Variants in ADAMTS20 observed in about 807,000 individuals in gnomAD.
ADAMTS20 encodes ADAM metallopeptidase with thrombospondin type 1 motif 20, also known as A disintegrin and metalloproteinase with thrombospondin motifs 20.
Under a neutral mutation model 260.1 loss-of-function variants are expected in ADAMTS20, and 225 were observed. The observed-to-expected ratio is 0.87, with a 90% CI of 0.78 to 0.97. The LOEUF is 0.97. Among genes scored for constraint, ADAMTS20 ranks in the 50% least tolerant of loss-of-function variants. The pLI, the probability that ADAMTS20 is intolerant of heterozygous loss-of-function variation, is 0.00. For synonymous variants in ADAMTS20, 802 were observed against 769.5 expected, an observed-to-expected ratio of 1.04 and a Z score of -0.70; for missense variants, 2,400 against 2,337.7, an observed-to-expected ratio of 1.03 and a Z score of -0.55.
intron 24 of ADAMTS20, 145 bp downstream of exon 24, chr12:43,429,470 TTC>T: frequency 1.8e-6 from 1 of 555,960 alleles, no homozygotes; most frequent in South Asian, 3.1e-5. Flanking sequence ...TAGCCATTAA[TTC>T]CTAATTCTAA....
At position 43,532,084 on chromosome 12, in the gene ADAMTS20, C is replaced by A; in HGVS notation, c.565G>T (p.Asp189Tyr). 6.2e-7 allele frequency: 1 copy of A among 1,609,072 alleles called. No individual in the cohort carries two copies. The highest frequency in any genetic ancestry group is 8.5e-7 in the Non-Finnish European group (1 of 1,177,450). Reference sequence around the variant, plus strand: ...GTCTGCAGAAAAGAGTTATTTAAGTCTTGTCTGTATATAAGATGTGGCTTG... The same window carrying A: ...GTCTGCAGAAAAGAGTTATTTAAGTATTGTCTGTATATAAGATGTGGCTTG... ...HNKPHLIYRQDLNNSFLQTLK... is the reference protein window; with the variant it reads ...HNKPHLIYRQYLNNSFLQTLK... Residue 189 changes from aspartate to tyrosine, a missense_variant, in exon 3 of 39, where the codon GAC becomes TAC. Asp to Tyr is a radical substitution (Grantham distance 160). Coordinates refer to ENST00000389420, the MANE Select transcript of ADAMTS20 (RefSeq NM_025003.5).
At chr12:43,413,237 C>T (rs867828398) in intron 28 of ADAMTS20, among the ~76,000 whole-genome samples, 2 of 152,110 alleles carry the variant, frequency 1.3e-5, no homozygotes, top group African/African-American at 4.8e-5. Context: ...AATTATCACA[C>T]TATATTTAAT....
At chr12:43,426,118 C>A (rs972602423) in intron 27 of ADAMTS20, among the ~76,000 whole-genome samples, 1 of 151,946 alleles carries the variant, frequency 6.6e-6, no homozygotes, top group Non-Finnish European at 1.5e-5. Flanking sequence ...TAATAAGGTA[C>A]GTCTAATTTT....
At chr12:43,426,619 G>A (rs1941338122) in intron 27 of ADAMTS20, among the ~76,000 whole-genome samples, 2 of 152,178 alleles carry the variant, frequency 1.3e-5, no homozygotes, top group Non-Finnish European at 2.9e-5. Context: ...GAGTGCCAGT[G>A]CATGAAGCAA....
At chr12:43,361,212 A>G (rs1444593032) in intron 37 of ADAMTS20, among the ~76,000 whole-genome samples, 1 of 152,220 alleles carries the variant, frequency 6.6e-6, no homozygotes, top group Non-Finnish European at 1.5e-5. Context: ...GGTTTGATGA[A>G]TCCCAAACAA....
intron 23 of ADAMTS20, among the ~76,000 whole-genome samples, chr12:43,430,016 T>G (rs1941409746): frequency 6.6e-6 from 1 of 152,078 alleles, no homozygotes; most frequent in Admixed American, 6.6e-5. Context: ...GACACAAAAC[T>G]CTACCTTAAA....
chr12:43,445,124 G>A (rs151323482), intron 15 of ADAMTS20, among the ~76,000 whole-genome samples: 1 of 152,220 alleles, frequency 6.6e-6, no homozygotes, highest in East Asian at 1.9e-4. Context: ...GTGACAAGAT[G>A]AAGGCTACCA....
intron 7 of ADAMTS20, among the ~76,000 whole-genome samples, chr12:43,487,421 G>A (rs1942539463): frequency 6.9e-6 from 1 of 145,082 alleles, no homozygotes; most frequent in African/African-American, 2.5e-5. Context: ...CTCGGAAGAG[G>A]GAAGAGTGGG....
At chr12:43,437,588 A>G (rs574091342) in intron 18 of ADAMTS20, among the ~76,000 whole-genome samples, 5 of 152,322 alleles carry the variant, frequency 3.3e-5, no homozygotes, top group African/African-American at 9.6e-5. Flanking sequence ...AATTCTAAAG[A>G]AAAACATTCT....
At chr12:43,528,541 A>G (rs915414821) in intron 3 of ADAMTS20, among the ~76,000 whole-genome samples, 2 of 151,948 alleles carry the variant, frequency 1.3e-5, no homozygotes, top group African/African-American at 2.4e-5. Context: ...TTGACAAAGC[A>G]TACTACATAA....
chr12:43,502,964 T>C (rs1472550070), intron 3 of ADAMTS20, among the ~76,000 whole-genome samples: 1 of 152,214 alleles, frequency 6.6e-6, no homozygotes, highest in Admixed American at 6.5e-5. Flanking sequence ...ATAAATTTTT[T>C]AGTACTTGAT....
At chr12:43,380,093 A>G (rs1469955750) in intron 31 of ADAMTS20, among the ~76,000 whole-genome samples, 1 of 152,202 alleles carries the variant, frequency 6.6e-6, no homozygotes, top group Non-Finnish European at 1.5e-5. Flanking sequence ...ATTATACACC[A>G]TGACGAAGTA....
chr12:43,480,853 G>GTACA (rs1387432065), intron 7 of ADAMTS20, among the ~76,000 whole-genome samples: 1 of 151,952 alleles, frequency 6.6e-6, no homozygotes. Flanking sequence ...TAGTCAAAGG[G>GTACA]TACATAGTTT....
intron 31 of ADAMTS20, among the ~76,000 whole-genome samples, chr12:43,380,209 T>C (rs767947604): frequency 2.9e-4 from 44 of 152,300 alleles, no homozygotes; most frequent in Non-Finnish European, 5.6e-4. Context: ...TTTCAGTAGA[T>C]GTAGACTAAA....
chr12:43,409,519 G>A (rs1314083459), intron 28 of ADAMTS20, among the ~76,000 whole-genome samples: 7 of 140,718 alleles, frequency 5.0e-5, no homozygotes, highest in Admixed American at 2.9e-4. Context: ...GGAGAATGGC[G>A]TGAACCCGGG....
chr12:43,551,755 G>T lies in ADAMTS20; in HGVS notation c.91+76C>A. On this transcript the variant is annotated intron_variant, in intron 1 of 38. Transcript: ENST00000389420. The surrounding 1 kb of genome is among the most constrained non-coding windows in gnomAD (Gnocchi z 4.6). ...CGTTCCCCAACGGGCTGAGCCGCTC[G>T]TCCCCGCGACCTGCATGTCCCACTC... 1 of 1,464,874 alleles carries T rather than the reference G, an allele frequency of 6.8e-7. No individual in the cohort carries two copies. The highest frequency in any genetic ancestry group is 9.5e-7 in the Non-Finnish European group (1 of 1,053,270). 90.7% of individuals were successfully genotyped at this position (1,464,874 alleles called of 1,614,324 possible).
chr12:43,529,991 AT>A (rs1385781994), intron 3 of ADAMTS20, among the ~76,000 whole-genome samples: 1 of 152,152 alleles, frequency 6.6e-6, no homozygotes, highest in African/African-American at 2.4e-5. Context: ...AAAAATGTGT[AT>A]GCTGATTGTA....
chr12:43,409,609 A>AAAAAAC (rs1381067392), intron 28 of ADAMTS20, among the ~76,000 whole-genome samples: 3 of 67,126 alleles, frequency 4.5e-5, no homozygotes, highest in African/African-American at 1.3e-4. Context: ...CTCAAAAAAA[A>AAAAAAC]AAAAAAAAAA....
chr12:43,387,914 C>T lies in ADAMTS20; in HGVS notation c.4453-3937G>A, dbSNP rs143006789. On this transcript the variant is annotated intron_variant, in intron 29 of 38. Coordinates refer to ENST00000389420, the MANE Select transcript of ADAMTS20 (RefSeq NM_025003.5). Reference sequence around the variant, plus strand: ...TCCAGCATCCCAGGTTGACATCAGACTGCCGTGCTGGCAGCAAGAATTTCA... The same window carrying T: ...TCCAGCATCCCAGGTTGACATCAGATTGCCGTGCTGGCAGCAAGAATTTCA... Among the ~76,000 whole-genome samples the T allele has an allele frequency of 2.8e-3, 430 of 152,186 alleles. 3 individuals are homozygous for T. Among genetic ancestry groups the T allele is most frequent in the Middle Eastern group, 6.8e-3 (2 of 294 alleles).
Sources: allele counts gnomAD v4.1 joint callset (sites outside exome capture counted in the v4.1 genomes callset), GRCh38; gene constraint gnomAD v4.1.1; non-coding constraint Gnocchi (gnomAD v3.1); transcripts MANE v1.5; gene names NCBI Gene and HGNC (gene_info 2026-07-23, HGNC 2026-07-21).